Variants in EIF2AK1 observed in about 807,000 individuals in gnomAD.
EIF2AK1 encodes the protein eukaryotic translation initiation factor 2-alpha kinase 1.
In EIF2AK1, 54 loss-of-function variants were observed where a neutral mutation model predicts 77.9. The ratio of observed to expected loss-of-function variants is 0.69; its 90% CI spans 0.56 to 0.87. The LOEUF is 0.87. EIF2AK1 is among the 40% of genes least tolerant of loss of function. The pLI is 0.00. For missense variants in EIF2AK1, 810 were observed against 768.6 expected, an observed-to-expected ratio of 1.05 and a Z score of -0.64; for synonymous variants, 314 against 290.5, an observed-to-expected ratio of 1.08 and a Z score of -0.82.
chr7:6,057,600 A>G (rs1480499631), intron 1 of EIF2AK1: 1 of 61,882 alleles, frequency 1.6e-5, no homozygotes, highest in Non-Finnish European at 4.9e-5. Context: ...GCATTCCATA[A>G]AAAAAAAAAA....
intron 8 of EIF2AK1, among the ~76,000 whole-genome samples, chr7:6,041,452 T>C (rs1324614825): frequency 6.6e-6 from 1 of 151,580 alleles, no homozygotes; most frequent in African/African-American, 2.4e-5. Context: ...GGCAGGAAAA[T>C]GACTCGAACC....
chr7:6,046,728 C>T (rs1365162166), intron 5 of EIF2AK1: 1 of 280,752 alleles, frequency 3.6e-6, no homozygotes, highest in Non-Finnish European at 6.7e-6. Flanking sequence ...ACGGTGAAAC[C>T]CCGTCTCTAT....
At chr7:6,055,589 T>C (rs1010635068) in intron 1 of EIF2AK1, among the ~76,000 whole-genome samples, 7 of 150,902 alleles carry the variant, frequency 4.6e-5, no homozygotes, top group Non-Finnish European at 1.0e-4. Context: ...TTGCACTGTA[T>C]GAGACCATGC....
Position 6,035,903 on chromosome 7 carries a change from C to T in EIF2AK1, c.1332+1521G>A, listed in dbSNP as rs150893674. On this transcript the variant is annotated intron_variant, in intron 11 of 14. Transcript: ENST00000199389. This position sits in a 1 kb window ranked among gnomAD's most constrained non-coding sequence, Gnocchi z 5.5. Reference sequence around the variant, plus strand: ...CAGGCCGACTCCTCGGGGCGGGGGTCAGCTGCATCCGTCTGCTACTCACTC... The same window carrying T: ...CAGGCCGACTCCTCGGGGCGGGGGTTAGCTGCATCCGTCTGCTACTCACTC... The T allele has an allele frequency of 1.1e-3, 1,696 of 1,546,716 alleles. 2 individuals are homozygous for T. The highest frequency in any genetic ancestry group is 1.4e-3 in the Non-Finnish European group (1,591 of 1,144,538).
At chr7:6,043,270 C>A (rs1788347654) in intron 7 of EIF2AK1, among the ~76,000 whole-genome samples, 1 of 152,042 alleles carries the variant, frequency 6.6e-6, no homozygotes, top group African/African-American at 2.4e-5. Flanking sequence ...TGTAACTGAA[C>A]AATTCTGTTA....
chr7:6,049,912 C>T lies in EIF2AK1; in HGVS notation c.411G>A (p.Gln137=). 7 of 1,606,888 alleles carry T rather than the reference C, an allele frequency of 4.4e-6. No homozygotes were observed. The highest frequency in any genetic ancestry group is 5.9e-6 in the Non-Finnish European group (7 of 1,178,356). Residue 137 remains glutamine (Q), a splice_region_variant and synonymous_variant, in exon 3 of 15, where the codon CAG becomes CAA. Coordinates refer to ENST00000199389, the MANE Select transcript of EIF2AK1 (RefSeq NM_014413.4). ...LMRSAKERVR[Q]DPCEDISRIQ... ...CCAAAGTATATTTTTTAGGGCTTAC[C>T]TGACGAACTCTCTCTTTAGCAGACC...
rs1181376161 is a variant in EIF2AK1, at chr7:6,056,598, G to GAAAAAAAAAAAAAAAAAA, written c.119-1895_119-1894insTTTTTTTTTTTTTTTTTT. ...AACAGAGGGAGACTCCATCTCAAGG[G>GAAAAAAAAAAAAAAAAAA]AAAAAAAAAAAAAAAATATATATAT... On this transcript the variant is annotated intron_variant, in intron 1 of 14. Transcript: ENST00000199389. Among the ~76,000 whole-genome samples, 12 of 48,816 alleles carry GAAAAAAAAAAAAAAAAAA rather than the reference G, an allele frequency of 2.5e-4. 1 individual carries two copies. Among genetic ancestry groups the GAAAAAAAAAAAAAAAAAA allele is most frequent in the South Asian group, 1.6e-3 (2 of 1,252 alleles). The allele number at this position is 48,816 out of a possible 152,430, so 32.0% of individuals were successfully genotyped here.
At position 6,032,159 on chromosome 7, in the gene EIF2AK1, G is replaced by C. The variant is rs117219509; in HGVS notation, c.1333-3127C>G. Among the ~76,000 whole-genome samples, 1,825 of 152,258 alleles carry C rather than the reference G, an allele frequency of 0.012. 14 individuals carry two copies. Among genetic ancestry groups the C allele is most frequent in the Non-Finnish European group, 0.018 (1,229 of 68,018 alleles). On this transcript the variant is annotated intron_variant, in intron 11 of 14. Transcript: ENST00000199389. The surrounding 1 kb of genome is among the most constrained non-coding windows in gnomAD (Gnocchi z 4.3). ...ACTGCACTCTCTAGCCTGGATGACA[G>C]AGCAAGACTCCATCTCAAACAAACA...
Position 6,032,349 on chromosome 7 carries a change from T to C in EIF2AK1, c.1333-3317A>G, listed in dbSNP as rs1787938419. ...TGTGAAACCACTACTTACACGTGTG[T>C]ATTTTAAGAGCTGGCACAAACAGCT... On this transcript the variant is annotated intron_variant, in intron 11 of 14. Coordinates refer to ENST00000199389, the MANE Select transcript of EIF2AK1 (RefSeq NM_014413.4). The surrounding 1 kb of genome is among the most constrained non-coding windows in gnomAD (Gnocchi z 4.3). Among the ~76,000 whole-genome samples the C allele has an allele frequency of 6.6e-6, 1 of 152,234 alleles. No homozygotes were observed. The highest frequency in any genetic ancestry group is 6.5e-5 in the Admixed American group (1 of 15,284).
chr7:6,023,239 A>G lies in EIF2AK1; in HGVS notation c.*1434T>C. 2.0e-6 allele frequency: 3 copies of G among 1,508,626 alleles called. No homozygotes were observed. Among genetic ancestry groups the G allele is most frequent in the Non-Finnish European group, 2.6e-6 (3 of 1,136,788 alleles). 93.5% of individuals were successfully genotyped at this position (1,508,626 alleles called of 1,614,324 possible). ...GTGTTTGGTGACTGTCCCCTTCCCC[A>G]CTGTGCGAGTACTTCCCTCAGGGCT... On this transcript the variant is annotated 3_prime_UTR_variant, in exon 15 of 15. Transcript: ENST00000199389.
Position 6,023,237 on chromosome 7 carries a change from C to G in EIF2AK1, c.*1436G>C. 6.6e-7 allele frequency: 1 copy of G among 1,506,840 alleles called. No homozygotes were observed. Among genetic ancestry groups the G allele is most frequent in the South Asian group, 1.3e-5 (1 of 75,160 alleles). The allele number at this position is 1,506,840 out of a possible 1,614,324, so 93.3% of individuals were successfully genotyped here. A position where few individuals can be genotyped will look rare whatever the true frequency, so the allele number is the denominator to read the frequency against. On this transcript the variant is annotated 3_prime_UTR_variant, in exon 15 of 15. Transcript: ENST00000199389. Reference sequence around the variant, plus strand: ...TGGTGTTTGGTGACTGTCCCCTTCCCCACTGTGCGAGTACTTCCCTCAGGG... The same window carrying G: ...TGGTGTTTGGTGACTGTCCCCTTCCGCACTGTGCGAGTACTTCCCTCAGGG...
intron 1 of EIF2AK1, chr7:6,057,544 G>A (rs1788817151): frequency 6.7e-6 from 1 of 148,538 alleles, no homozygotes; most frequent in East Asian, 2.0e-4. Flanking sequence ...GAACGACACA[G>A]AGATTAGCAC....
rs189177683 is a variant in EIF2AK1, at chr7:6,055,280, T to C, written c.119-576A>G. On this transcript the variant is annotated intron_variant, in intron 1 of 14. Transcript: ENST00000199389. ...ATAGCTTGAACCTGGGAGGCAGAAGTTGCGGTGAGCCGAGATCAACCATTG... is the reference window on the plus strand; with the variant it reads ...ATAGCTTGAACCTGGGAGGCAGAAGCTGCGGTGAGCCGAGATCAACCATTG... Among the ~76,000 whole-genome samples the C allele has an allele frequency of 4.9e-3, 686 of 140,412 alleles. 2 individuals carry two copies. Among genetic ancestry groups the C allele is most frequent in the South Asian group, 0.014 (63 of 4,358 alleles). 92.1% of individuals were successfully genotyped at this position (140,412 alleles called of 152,430 possible).
At chr7:6,050,974 TA>T (rs1002553063) in intron 2 of EIF2AK1, among the ~76,000 whole-genome samples, 14 of 151,958 alleles carry the variant, frequency 9.2e-5, no homozygotes, top group Admixed American at 3.9e-4. Flanking sequence ...AAGCCATTTC[TA>T]AAAAAAGGGC....
chr7:6,058,176 G>T lies in EIF2AK1; in HGVS notation c.118+790C>A, dbSNP rs1261785670. The T allele has an allele frequency of 2.9e-5, 13 of 455,612 alleles. 1 individual carries two copies. The highest frequency in any genetic ancestry group is 1.7e-4 in the South Asian group (11 of 64,550). The allele number at this position is 455,612 out of a possible 1,614,324, so 28.2% of individuals were successfully genotyped here. On this transcript the variant is annotated intron_variant, in intron 1 of 14. Transcript: ENST00000199389. ...TATAATCCCAGCATTTTGGAAGGCC[G>T]AGGCGGGAGAATCGCTTGAGGCCAG... is the stretch of plus-strand genomic sequence containing the variant.
intron 11 of EIF2AK1, among the ~76,000 whole-genome samples, chr7:6,029,766 T>C (rs986518347): frequency 6.6e-6 from 1 of 152,016 alleles, no homozygotes; most frequent in Non-Finnish European, 1.5e-5. Context: ...GCAAATCGCC[T>C]GAGGTCAGGA....
In EIF2AK1 at chr7:6,028,670, C is replaced by A; in HGVS notation, c.1475G>T (p.Gly492Val). The A allele has an allele frequency of 1.9e-6, 3 of 1,614,216 alleles. No homozygotes were observed. The highest frequency in any genetic ancestry group is 2.5e-6 in the Non-Finnish European group (3 of 1,180,030). ...KRTPTHTSRV[G>V]TCLYASPEQL... ...TTCGGGTGAAGCGTACAGACAAGTA[C>A]CCACTCTGGACGTATGTGTTGGTGT... Residue 492 changes from glycine (G) to valine (V), a missense_variant, in exon 13 of 15, where the codon GGT becomes GTT. Gly to Val is a moderately radical substitution (Grantham distance 109). Around this residue, in one of 3 missense-constraint regions of EIF2AK1, gnomAD observed 549 missense variants for 533.7 expected, o/e 1.03. Transcript: ENST00000199389.
Position 6,023,710 on chromosome 7 carries a change from A to C in EIF2AK1, c.*963T>G. On this transcript the variant is annotated 3_prime_UTR_variant, in exon 15 of 15. Coordinates refer to ENST00000199389, the MANE Select transcript of EIF2AK1 (RefSeq NM_014413.4). The stretch of plus-strand genomic sequence containing the variant: ...TAAGTGAATTGCCGTAACTGATTTT[A>C]AAGGGTTTAGATTTTAAGAATGGTG... 2 of 1,614,180 alleles carry C rather than the reference A, an allele frequency of 1.2e-6. No individual in the cohort carries two copies. The highest frequency in any genetic ancestry group is 1.7e-6 in the Non-Finnish European group (2 of 1,180,032).
intron 2 of EIF2AK1, among the ~76,000 whole-genome samples, chr7:6,052,886 C>G (rs1343984797): frequency 1.3e-5 from 2 of 151,914 alleles, no homozygotes; most frequent in African/African-American, 2.4e-5. Context: ...TCACTTGAAC[C>G]CGGGGGGCGG....
Sources: allele counts gnomAD v4.1 joint callset (sites outside exome capture counted in the v4.1 genomes callset), GRCh38; gene constraint gnomAD v4.1.1; regional missense constraint gnomAD v4.1.1; non-coding constraint Gnocchi (gnomAD v3.1); transcripts MANE v1.5; gene names NCBI Gene and HGNC (gene_info 2026-07-23, HGNC 2026-07-21).